The following RNF212 variants were observed in gnomAD, a reference collection of about 807,000 sequenced individuals.
The protein encoded by RNF212 is probable E3 SUMO-protein ligase RNF212.
RNF212 carries 33 observed loss-of-function variants against 34.7 expected under a neutral mutation model. That is an observed-to-expected ratio of 0.95 (90% confidence interval 0.72 to 1.27). The LOEUF is 1.27. Ranked by LOEUF, RNF212 falls within the 50% of genes most tolerant of loss-of-function variation. The pLI is 0.00. For synonymous variants in RNF212, 140 were observed against 136.1 expected (o/e 1.03, Z -0.20); for missense variants, 377 against 362.2 (o/e 1.04, Z -0.33).
chr4:1,088,881 G>C (rs1307621859), intron 4 of RNF212, among the ~76,000 whole-genome samples: 1 of 152,238 alleles, frequency 6.6e-6, no homozygotes, highest in Non-Finnish European at 1.5e-5. Context: ...TGTGTGCAGA[G>C]GACAAGAGCT....
intron 1 of RNF212, among the ~76,000 whole-genome samples, chr4:1,111,061 C>T (rs556531942): frequency 2.6e-5 from 4 of 152,328 alleles, no homozygotes; most frequent in African/African-American, 9.6e-5. Context: ...GCGTCTCCAT[C>T]ATTCCTAACA....
rs191079027 is a variant in RNF212 at position 1,062,005 on chromosome 4, G to A, written n.148-3612C>T. ...TCCTAAGGACTCCAGAGCGGCTACC[G>A]TAAATGAGCCAAAGAATTAAAGGAA... On this transcript the variant is annotated intron_variant and non_coding_transcript_variant, in intron 3 of 4. Transcript: ENST00000503206. 2.2e-4 allele frequency among the ~76,000 whole-genome samples: 33 copies of A among 152,268 alleles called. No homozygotes were observed. In the South Asian group the frequency reaches 4.3e-3, roughly 20 times the overall value.
intron 2 of RNF212, among the ~76,000 whole-genome samples, chr4:1,098,951 C>T (rs1024150812): frequency 6.6e-6 from 1 of 152,182 alleles, no homozygotes; most frequent in Admixed American, 6.5e-5. Context: ...TGTCACAGAT[C>T]GATCTGGTTC....
In RNF212 at chr4:1,071,723, T is replaced by A. The variant is rs59750515; in HGVS notation, c.*1151A>T. On this transcript the variant is annotated 3_prime_UTR_variant, in exon 10 of 10. Transcript: ENST00000433731. ...TGAAATGCAAAATAAAACAGCAAGA[T>A]ACCACTACATACCTATCAGCTGGCC... 9.9e-5 allele frequency: 15 copies of A among 152,246 alleles called. No individual in the cohort carries two copies. Among genetic ancestry groups the A allele is most frequent in the Non-Finnish European group, 1.2e-4 (8 of 68,048 alleles). 9.4% of individuals were successfully genotyped at this position (152,246 alleles called of 1,614,324 possible).
At chr4:1,108,157 AAG>A (rs1725109104) in intron 2 of RNF212, among the ~76,000 whole-genome samples, 184 bp downstream of exon 2, 1 of 152,244 alleles carries the variant, frequency 6.6e-6, no homozygotes, top group South Asian at 2.1e-4. Flanking sequence ...ATCTATAGCT[AAG>A]AAAGTTTTAA....
At chr4:1,073,795 CCTGT>C (rs1305464172) in intron 8 of RNF212, 133 bp from the exon 9 acceptor site, 21 of 678,348 alleles carry the variant, frequency 3.1e-5, no homozygotes, top group Middle Eastern at 2.4e-4. Context: ...CTGACAAGTT[CCTGT>C]CTAACTTGAT....
At chr4:1,105,751 C>T (rs1448549932) in intron 2 of RNF212, among the ~76,000 whole-genome samples, 1 of 132,782 alleles carries the variant, frequency 7.5e-6, no homozygotes, top group Non-Finnish European at 1.7e-5. Context: ...CGTCCTTCCA[C>T]CGCAGGTCAG....
In RNF212 at chr4:1,096,836, C is replaced by T. The variant is rs142187515; in HGVS notation, c.175G>A (p.Asp59Asn). 10,843 of 1,609,056 alleles carry T rather than the reference C, an allele frequency of 6.7e-3. 54 individuals carry two copies. Among genetic ancestry groups the T allele is most frequent in the Non-Finnish European group, 8.0e-3 (9,430 of 1,175,282 alleles). Reference sequence around the variant, plus strand: ...ATGAAGAATGCCTGGATATCTGCGTCGGTCTGAAAGAGAAAGAAATGACTC... The same window carrying T: ...ATGAAGAATGCCTGGATATCTGCGTTGGTCTGAAAGAGAAAGAAATGACTC... The part of the protein sequence containing the change: ...CRTVLLSKHT[D>N]ADIQAFFMSI... The change falls in exon 3 of 10, where the codon GAC becomes AAC. Residue 59 changes from aspartate to asparagine, a missense_variant. Coordinates refer to ENST00000433731, the MANE Select transcript of RNF212 (RefSeq NM_001131034.4).
At chr4:1,085,191 G>A (rs760498702) in intron 5 of RNF212, among the ~76,000 whole-genome samples, 14 of 152,258 alleles carry the variant, frequency 9.2e-5, no homozygotes, top group Admixed American at 5.9e-4. Context: ...ATTGCTGAGC[G>A]TAATATGTGC....
chr4:1,077,407 C>CT (rs906776995), intron 8 of RNF212, among the ~76,000 whole-genome samples: 4 of 151,850 alleles, frequency 2.6e-5, no homozygotes, highest in Non-Finnish European at 4.4e-5. Context: ...TTTCTTTTTT[C>CT]TTTTTTTTAG....
chr4:1,058,727 G>A lies in RNF212; in HGVS notation n.148-334C>T, dbSNP rs563537343. On this transcript the variant is annotated intron_variant and non_coding_transcript_variant, in intron 3 of 4. Transcript: ENST00000503206. The stretch of plus-strand genomic sequence containing the variant: ...CAGCTGGATAGCAAGACCTGGAAAC[G>A]AACTGGCCAGTCCCAGCTGAGTTTC... Among the ~76,000 whole-genome samples the A allele has an allele frequency of 2.0e-5, 3 of 152,336 alleles. No homozygotes were observed. In the South Asian group the frequency reaches 6.2e-4, roughly 32 times the overall value.
chr4:1,107,990 CT>C (rs1240810603), intron 2 of RNF212, among the ~76,000 whole-genome samples: 3 of 152,150 alleles, frequency 2.0e-5, no homozygotes, highest in Non-Finnish European at 2.9e-5. Context: ...TGATTTTAAA[CT>C]TACTTTATGA....
chr4:1,105,438 T>G (rs543482786), intron 2 of RNF212, among the ~76,000 whole-genome samples: 1 of 152,354 alleles, frequency 6.6e-6, no homozygotes, highest in South Asian at 2.1e-4. Context: ...AGCATTATAA[T>G]GACAAACAAA....
chr4:1,101,276 T>C, intron 2 of RNF212: 1 of 332,352 alleles, frequency 3.0e-6, no homozygotes, highest in South Asian at 3.2e-5. Context: ...CTTTTGTCCC[T>C]TTCACTGATT....
intron 4 of RNF212, among the ~76,000 whole-genome samples, chr4:1,057,385 T>C (rs955216865): frequency 6.6e-6 from 1 of 151,986 alleles, no homozygotes; most frequent in African/African-American, 2.4e-5. Context: ...ACGAGTTCGG[T>C]TGACAGAGAC....
At chr4:1,108,257 C>T (rs375717743) in intron 2 of RNF212, 86 bp downstream of exon 2, 2 of 840,620 alleles carry the variant, frequency 2.4e-6, no homozygotes, top group Non-Finnish European at 3.7e-6. Context: ...AAATTTTAGA[C>T]ACCACAAATG....
chr4:1,113,494 G>A lies in RNF212; in HGVS notation c.-30C>T, dbSNP rs756730786. On this transcript the variant is annotated 5_prime_UTR_variant, in exon 1 of 10. Transcript: ENST00000433731. Reference sequence around the variant, plus strand: ...GGCGGGCGACCGCAGCGGCGAGGCCGGGCCCACGCGAAGCCCACGCAAGGT... The same window carrying A: ...GGCGGGCGACCGCAGCGGCGAGGCCAGGCCCACGCGAAGCCCACGCAAGGT... 12 of 1,576,848 alleles carry A rather than the reference G, an allele frequency of 7.6e-6. No homozygotes were observed. Among genetic ancestry groups the A allele is most frequent in the Non-Finnish European group, 1.0e-5 (12 of 1,154,600 alleles).
At chr4:1,107,606 C>T (rs956272923) in intron 2 of RNF212, among the ~76,000 whole-genome samples, 4 of 152,042 alleles carry the variant, frequency 2.6e-5, no homozygotes, top group South Asian at 4.2e-4. Context: ...CCCACCACCA[C>T]GCCCAACTAA....
At chr4:1,104,772 G>T (rs1445809456) in intron 2 of RNF212, among the ~76,000 whole-genome samples, 1 of 152,164 alleles carries the variant, frequency 6.6e-6, no homozygotes, top group Non-Finnish European at 1.5e-5. Context: ...TCCCGATTTG[G>T]CCTGCAATCT....
Sources: allele counts gnomAD v4.1 joint callset (sites outside exome capture counted in the v4.1 genomes callset), GRCh38; gene constraint gnomAD v4.1.1; transcripts MANE v1.5; gene names NCBI Gene and HGNC (gene_info 2026-07-23, HGNC 2026-07-21).